The following SFSWAP variants were observed in gnomAD, a reference collection of about 807,000 sequenced individuals.
SFSWAP encodes the protein splicing factor, suppressor of white-apricot homolog.
Under a neutral mutation model 100.7 loss-of-function variants are expected in SFSWAP, and 17 were observed. That is an observed-to-expected ratio of 0.17 (90% CI 0.12 to 0.25). The LOEUF (loss-of-function observed/expected upper bound fraction) is 0.25. Among genes scored for constraint, SFSWAP ranks in the 10% least tolerant of loss-of-function variants. SFSWAP has a pLI of 1.00. For missense variants in SFSWAP, 1,005 were observed against 1,262.6 expected, an observed-to-expected ratio of 0.80 and a Z score of 3.09; for synonymous variants, 504 against 510.1, an observed-to-expected ratio of 0.99 and a Z score of 0.16.
intron 10 of SFSWAP, 99 bp from the exon 11 acceptor site, chr12:131,756,374 T>A: frequency 9.8e-7 from 1 of 1,024,412 alleles, no homozygotes; most frequent in East Asian, 2.4e-5. Flanking sequence ...AATGTACAAT[T>A]GCCGTTGTCC....
At chr12:131,773,216 A>G (rs1883755121) in intron 13 of SFSWAP, among the ~76,000 whole-genome samples, 2 of 152,268 alleles carry the variant, frequency 1.3e-5, no homozygotes, top group South Asian at 4.1e-4. Flanking sequence ...TTCTCTCTTC[A>G]TTCCTAGTGT....
intron 13 of SFSWAP, among the ~76,000 whole-genome samples, chr12:131,766,640 C>T (rs1645049852): frequency 6.6e-6 from 1 of 152,224 alleles, no homozygotes; most frequent in South Asian, 2.1e-4. Flanking sequence ...GGTGGACACA[C>T]TTCACTGAAG....
In SFSWAP at chr12:131,753,361, A is replaced by G. The variant is rs1025328245; in HGVS notation, c.1320A>G (p.Thr440=). The change falls in exon 8 of 18, where the codon ACA becomes ACG. Residue 440 remains threonine, a splice_region_variant and synonymous_variant. Transcript: ENST00000261674. ...SSGATSTTTT[T]SALAPVAAII... is the part of the protein sequence containing the mutation. ...GGGCCACCTCCACAACCACCACCAC[A>G]AGGTAGGTGCAGCGTCCACCGCTGC... The G allele has an allele frequency of 1.8e-5, 29 of 1,611,846 alleles. No individual in the cohort carries two copies. Among genetic ancestry groups the G allele is most frequent in the Non-Finnish European group, 2.5e-5 (29 of 1,178,500 alleles).
rs7136191 is a variant in SFSWAP, at chr12:131,756,684, A to G, written c.1720+40A>G. On this transcript the variant is annotated intron_variant, in intron 11 of 17. Transcript: ENST00000261674. ...GCATGTTGGCCTTGCACATTCCACC[A>G]TAAGTTGGCAAGCGTAGGATCCTCG... 1,509,978 of 1,510,710 alleles carry G rather than the reference A, an allele frequency of 1. 754,624 individuals carry two copies. Among genetic ancestry groups the G allele is most frequent in the East Asian group, 1 (42,672 of 42,672 alleles). 93.6% of individuals were successfully genotyped at this position (1,510,710 alleles called of 1,614,324 possible).
intron 13 of SFSWAP, among the ~76,000 whole-genome samples, chr12:131,769,809 A>G (rs984473778): frequency 1.3e-5 from 2 of 152,048 alleles, no homozygotes; most frequent in South Asian, 4.1e-4. Context: ...TTGTATTTTT[A>G]GTAGAGACGG....
chr12:131,741,919 C>T (rs1346513757), intron 7 of SFSWAP, among the ~76,000 whole-genome samples: 7 of 152,132 alleles, frequency 4.6e-5, no homozygotes, highest in Non-Finnish European at 1.0e-4. Context: ...TGCAGGGTCT[C>T]ATGCCGTCTG....
At chr12:131,790,916 T>C (rs560845945) in intron 15 of SFSWAP, among the ~76,000 whole-genome samples, 1 of 152,276 alleles carries the variant, frequency 6.6e-6, no homozygotes, top group African/African-American at 2.4e-5. Context: ...CAATAGCAGA[T>C]ATAAAGTAGG....
chr12:131,737,054 T>C (rs1474062660), intron 7 of SFSWAP, among the ~76,000 whole-genome samples: 1 of 152,136 alleles, frequency 6.6e-6, no homozygotes, highest in Non-Finnish European at 1.5e-5. Flanking sequence ...ACAGTTTTAG[T>C]AGTAGCAAAA....
chr12:131,799,127 C>A lies in SFSWAP; in HGVS notation c.2790+18C>A, dbSNP rs199893333. ...TCACTCAGGTCAGTGGGCACGCCCC[C>A]CTCCCGCTCCCAGCCTTTCATCAAG... On this transcript the variant is annotated intron_variant, in intron 17 of 17. Coordinates refer to ENST00000261674, the MANE Select transcript of SFSWAP (RefSeq NM_004592.4). 5.6e-6 allele frequency: 9 copies of A among 1,595,930 alleles called. No homozygotes were observed. The highest frequency in any genetic ancestry group is 3.3e-4 in the Middle Eastern group (2 of 6,000).
At chr12:131,754,627 CT>C (rs869226840) in intron 9 of SFSWAP, 128 bp downstream of exon 9, 2,047 of 80,614 alleles carry the variant, frequency 0.025, no homozygotes, top group South Asian at 0.097. Context: ...GCTCAAATGT[CT>C]TTTTTTTTTT....
chr12:131,776,553 C>G (rs1482867964), intron 13 of SFSWAP, among the ~76,000 whole-genome samples: 1 of 152,210 alleles, frequency 6.6e-6, no homozygotes, highest in African/African-American at 2.4e-5. Context: ...ACAGTGTTTT[C>G]CCGCAGCCAG....
intron 15 of SFSWAP, among the ~76,000 whole-genome samples, chr12:131,792,271 ATG>A (rs925932394): frequency 7.3e-6 from 1 of 136,316 alleles, no homozygotes; most frequent in African/African-American, 2.8e-5. Context: ...GTGTGTGCAT[ATG>A]TGTGTATTCA....
chr12:131,723,425 T>C (rs1290938496), intron 4 of SFSWAP: 1 of 152,202 alleles, frequency 6.6e-6, no homozygotes, highest in East Asian at 1.9e-4. Flanking sequence ...TTAAAGCTTA[T>C]TTTGGAAGGC....
At chr12:131,764,723 A>G in intron 12 of SFSWAP, 37 bp downstream of exon 12, 1 of 1,422,026 alleles carries the variant, frequency 7.0e-7, no homozygotes, top group Non-Finnish European at 9.8e-7. Flanking sequence ...GAAAGAAAGG[A>G]AATACACAAA....
intron 10 of SFSWAP, among the ~76,000 whole-genome samples, chr12:131,755,992 C>G (rs1417197466): frequency 6.6e-6 from 1 of 152,240 alleles, no homozygotes; most frequent in Non-Finnish European, 1.5e-5. Flanking sequence ...GCCCCCTCTT[C>G]TGCCTTTGCT....
intron 6 of SFSWAP, among the ~76,000 whole-genome samples, chr12:131,727,462 AT>A (rs1272566509): frequency 6.6e-6 from 1 of 152,190 alleles, no homozygotes; most frequent in African/African-American, 2.4e-5. Context: ...GCTGGCCAGC[AT>A]GGCGAAACCC....
At chr12:131,732,904 T>A (rs1292899721) in intron 7 of SFSWAP, among the ~76,000 whole-genome samples, 1 of 112,086 alleles carries the variant, frequency 8.9e-6, no homozygotes, top group Non-Finnish European at 1.9e-5. Flanking sequence ...TTTGGGAGAC[T>A]CTCAGTTGGG....
chr12:131,715,600 C>T (rs1161591174), intron 3 of SFSWAP, among the ~76,000 whole-genome samples: 1 of 152,238 alleles, frequency 6.6e-6, no homozygotes, highest in Non-Finnish European at 1.5e-5. Flanking sequence ...CACTAAGCGT[C>T]GAGAGCTCCA....
At chr12:131,760,385 G>A (rs1326252095) in intron 11 of SFSWAP, among the ~76,000 whole-genome samples, 1 of 152,108 alleles carries the variant, frequency 6.6e-6, no homozygotes, top group African/African-American at 2.4e-5. Flanking sequence ...TGAAAATATG[G>A]TTCCAAAAAG....
Sources: gnomAD v4.1 joint callset for allele counts (sites outside exome capture counted in the v4.1 genomes callset) on GRCh38, gnomAD v4.1.1 for gene constraint, MANE v1.5 for transcripts, NCBI Gene and HGNC (gene_info 2026-07-23, HGNC 2026-07-21) for gene names.